Variants in ABHD6 observed in about 807,000 individuals in gnomAD.
ABHD6 encodes the protein monoacylglycerol lipase ABHD6.
In ABHD6, 33 loss-of-function variants were observed where a neutral mutation model predicts 38.8. The observed-to-expected ratio is 0.85, with a 90% CI of 0.64 to 1.14. The LOEUF (loss-of-function observed/expected upper bound fraction) is 1.14. ABHD6 is among the 50% of genes most tolerant of loss of function. ABHD6 has a pLI of 0.00. For missense variants in ABHD6, 380 were observed against 422.6 expected (o/e 0.90, Z 0.88); for synonymous variants, 147 against 161.6 (o/e 0.91, Z 0.69).
chr3:58,246,550 T>C lies in ABHD6; in HGVS notation c.-90-3328T>C, dbSNP rs557455731. 1.1e-4 allele frequency among the ~76,000 whole-genome samples: 17 copies of C among 152,290 alleles called. 1 individual carries two copies. Among genetic ancestry groups the C allele is most frequent in the Middle Eastern group, 6.8e-3 (2 of 294 alleles). ...ACCAGCCTGGCTGGGCTGAATTCTC[T>C]TTCCCACAGTGCTGCCCAGGTGGCC... On this transcript the variant is annotated intron_variant, in intron 1 of 9. Coordinates refer to ENST00000478253, the MANE Select transcript of ABHD6 (RefSeq NM_001320126.2).
rs568786073 is a variant in ABHD6 at position 58,267,909 on chromosome 3, G to A, written c.276+564G>A. On this transcript the variant is annotated intron_variant, in intron 4 of 9. Transcript: ENST00000478253. The surrounding 1 kb of genome is among the most constrained non-coding windows in gnomAD (Gnocchi z 4.3). ...AGCCTGGGCAACATAGGGAGACTCC[G>A]TCTCTACAAAAAAATTAGCCAGGCA... is the stretch of plus-strand genomic sequence containing the variant. Among the ~76,000 whole-genome samples, 5 of 151,760 alleles carry A rather than the reference G, an allele frequency of 3.3e-5. No homozygotes were observed. In the South Asian group the frequency reaches 6.2e-4, roughly 19 times the overall value.
At chr3:58,277,058 G>T (rs1032809946) in intron 7 of ABHD6, among the ~76,000 whole-genome samples, 2 of 152,128 alleles carry the variant, frequency 1.3e-5, no homozygotes, top group African/African-American at 4.8e-5. Flanking sequence ...GGTGCTTCCA[G>T]CTTTGTTCTT....
chr3:58,286,102 C>G lies in ABHD6; in HGVS notation c.837+649C>G, dbSNP rs141455087. 5.5e-3 allele frequency among the ~76,000 whole-genome samples: 842 copies of G among 152,006 alleles called. 9 individuals carry two copies. Among genetic ancestry groups the G allele is most frequent in the African/African-American group, 0.019 (804 of 41,452 alleles). On this transcript the variant is annotated intron_variant, in intron 9 of 9. Coordinates refer to ENST00000478253, the MANE Select transcript of ABHD6 (RefSeq NM_001320126.2). ...TGGCACAATCTCGGCTCACTGCAAGCTCTGCCTCCTGGGTTCACGCCATTC... is the reference window on the plus strand; with the variant it reads ...TGGCACAATCTCGGCTCACTGCAAGGTCTGCCTCCTGGGTTCACGCCATTC...
intron 9 of ABHD6, among the ~76,000 whole-genome samples, chr3:58,291,261 G>A (rs567418392): frequency 2.0e-5 from 3 of 151,342 alleles, no homozygotes; most frequent in East Asian, 2.0e-4. Flanking sequence ...ACCTGCAATC[G>A]CAGGCACTCG....
intron 1 of ABHD6, among the ~76,000 whole-genome samples, chr3:58,242,507 C>G (rs1031030168): frequency 1.3e-5 from 2 of 152,334 alleles, no homozygotes; most frequent in South Asian, 4.1e-4. Flanking sequence ...TGACTTCTCC[C>G]CCTAAGGCTG....
At chr3:58,281,590 G>A (rs2097453293) in intron 7 of ABHD6, among the ~76,000 whole-genome samples, 1 of 152,192 alleles carries the variant, frequency 6.6e-6, no homozygotes, top group Admixed American at 6.5e-5. Flanking sequence ...CTCGCCCTCT[G>A]TGGGCTGCAC....
chr3:58,259,484 A>G lies in ABHD6; in HGVS notation c.119+2779A>G, dbSNP rs1189206372. ...CACTTGAGGCCAGGAGTTCGAGACC[A>G]GCCTGGCCAACATGGCGAAACCCCG... On this transcript the variant is annotated intron_variant, in intron 3 of 9. Transcript: ENST00000478253. This position sits in a 1 kb window ranked among gnomAD's most constrained non-coding sequence, Gnocchi z 4.7. Among the ~76,000 whole-genome samples, 2 of 152,162 alleles carry G rather than the reference A, an allele frequency of 1.3e-5. No individual in the cohort carries two copies. Among genetic ancestry groups the G allele is most frequent in the Admixed American group, 6.5e-5 (1 of 15,276 alleles).
Position 58,267,188 on chromosome 3 carries a change from G to C in ABHD6, c.120-1G>C. The C allele has an allele frequency of 6.2e-7, 1 of 1,613,782 alleles. No homozygotes were observed. Among genetic ancestry groups the C allele is most frequent in the East Asian group, 2.2e-5 (1 of 44,872 alleles). ...TTGTCTTTATTTCTCACCCCTTCCA[G>C]GTACTGGCGGAGGACATTGGGCATG... On this transcript the variant is annotated splice_acceptor_variant, in intron 3 of 9. Transcript: ENST00000478253. LOFTEE classifies it high-confidence loss of function. The surrounding 1 kb of genome is among the most constrained non-coding windows in gnomAD (Gnocchi z 4.3).
In ABHD6 at chr3:58,274,761, G is replaced by C; in HGVS notation, c.627G>C (p.Glu209Asp). The C allele has an allele frequency of 6.2e-7, 1 of 1,614,260 alleles. No homozygotes were observed. The highest frequency in any genetic ancestry group is 8.5e-7 in the Non-Finnish European group (1 of 1,180,048). The change falls in exon 7 of 10, where the codon GAG (glutamate) becomes GAC (aspartate). Residue 209 changes from glutamate to aspartate, a missense_variant. By Grantham distance (45) the Glu-to-Asp change is conservative. Coordinates refer to ENST00000478253, the MANE Select transcript of ABHD6 (RefSeq NM_001320126.2). ...CCTTGATCCCGTCTACCCCAGAAGA[G>C]ATGAGTGAAATGCTTCAGCTCTGCT... ...KIPLIPSTPE[E>D]MSEMLQLCSY...
intron 7 of ABHD6, among the ~76,000 whole-genome samples, chr3:58,284,537 G>A (rs2097455586): frequency 6.6e-6 from 1 of 150,868 alleles, no homozygotes; most frequent in African/African-American, 2.4e-5. Context: ...TGCAACCTCC[G>A]CCTCCTGGGT....
chr3:58,255,972 CT>C (rs1475598676), intron 2 of ABHD6, among the ~76,000 whole-genome samples: 1 of 151,926 alleles, frequency 6.6e-6, no homozygotes, highest in African/African-American at 2.4e-5. Flanking sequence ...TACTGCAAGC[CT>C]ACAGAAAGAT....
intron 1 of ABHD6, among the ~76,000 whole-genome samples, chr3:58,240,171 T>G (rs535738567): frequency 6.6e-6 from 1 of 151,788 alleles, no homozygotes; most frequent in South Asian, 2.1e-4. Context: ...AATAAATAAA[T>G]AAAGAATGAG....
At position 58,252,263 on chromosome 3, in the gene ABHD6, C is replaced by T. The variant is rs943295910; in HGVS notation, c.-26+2321C>T. Among the ~76,000 whole-genome samples the T allele has an allele frequency of 1.7e-5, 2 of 119,014 alleles. 1 individual carries two copies. Among genetic ancestry groups the T allele is most frequent in the South Asian group, 5.8e-4 (2 of 3,468 alleles). The allele number at this position is 119,014 out of a possible 152,430, so 78.1% of individuals were successfully genotyped here. ...TTTTTTTTTTTTTTTGGAACAGTCT[C>T]CCTCTGTCGCCTAGGCTGTCGGCTC... On this transcript the variant is annotated intron_variant, in intron 2 of 9. Coordinates refer to ENST00000478253, the MANE Select transcript of ABHD6 (RefSeq NM_001320126.2).
intron 6 of ABHD6, among the ~76,000 whole-genome samples, chr3:58,272,230 AT>A (rs1429529605): frequency 6.6e-6 from 1 of 152,178 alleles, no homozygotes; most frequent in Non-Finnish European, 1.5e-5. Context: ...TATTATGCCC[AT>A]TTTATAAATG....
At chr3:58,243,436 T>G (rs1393762517) in intron 1 of ABHD6, among the ~76,000 whole-genome samples, 1 of 152,078 alleles carries the variant, frequency 6.6e-6, no homozygotes, top group African/African-American at 2.4e-5. Context: ...TAGAGATTAC[T>G]GGGGGATTGA....
In ABHD6 at chr3:58,238,635, G is replaced by C. The variant is rs1347418912; in HGVS notation, c.-91+719G>C. The C allele has an allele frequency of 6.5e-6, 1 of 153,818 alleles. No homozygotes were observed. The highest frequency in any genetic ancestry group is 1.4e-5 in the Non-Finnish European group (1 of 69,338). 9.5% of individuals were successfully genotyped at this position (153,818 alleles called of 1,614,324 possible). ...CAGGGTTTGCGCCCCTGAGCCCACA[G>C]CGAGGCCAGGTGACAGAGTGAGGCA... On this transcript the variant is annotated intron_variant, in intron 1 of 9. Transcript: ENST00000478253. This position sits in a 1 kb window ranked among gnomAD's most constrained non-coding sequence, Gnocchi z 6.9.
chr3:58,261,823 C>T (rs2097437177), intron 3 of ABHD6, among the ~76,000 whole-genome samples: 1 of 152,194 alleles, frequency 6.6e-6, no homozygotes, highest in South Asian at 2.1e-4. Flanking sequence ...TTTAACGTAA[C>T]ATCCAGCAAT....
chr3:58,268,479 G>A (rs2097442602), intron 4 of ABHD6, among the ~76,000 whole-genome samples: 1 of 152,146 alleles, frequency 6.6e-6, no homozygotes, highest in Non-Finnish European at 1.5e-5. Context: ...TGCTGCTCTT[G>A]GTAAGAGTGA....
Position 58,251,562 on chromosome 3 carries a change from T to C in ABHD6, c.-26+1620T>C, listed in dbSNP as rs17354606. Among the ~76,000 whole-genome samples the C allele has an allele frequency of 0.063, 9,663 of 152,234 alleles. 451 individuals are homozygous for C. Among genetic ancestry groups the C allele is most frequent in the South Asian group, 0.12 (558 of 4,822 alleles). On this transcript the variant is annotated intron_variant, in intron 2 of 9. Coordinates refer to ENST00000478253, the MANE Select transcript of ABHD6 (RefSeq NM_001320126.2). The surrounding 1 kb of genome is among the most constrained non-coding windows in gnomAD (Gnocchi z 5.4). ...AACTTCATTTCCCTGATGTAATGTTTATCTGGATCCACTGACATGTCCCCT... is the reference window on the plus strand; with the variant it reads ...AACTTCATTTCCCTGATGTAATGTTCATCTGGATCCACTGACATGTCCCCT...
Sources: gnomAD v4.1 joint callset for allele counts (sites outside exome capture counted in the v4.1 genomes callset) on GRCh38, gnomAD v4.1.1 for gene constraint, Gnocchi (gnomAD v3.1) non-coding constraint, MANE v1.5 for transcripts, NCBI Gene and HGNC (gene_info 2026-07-23, HGNC 2026-07-21) for gene names.